Variants in CHL1 observed in about 807,000 individuals in gnomAD.
CHL1 encodes neural cell adhesion molecule L1-like protein.
In CHL1, 96 loss-of-function variants were observed where a neutral mutation model predicts 141.9. The ratio of observed to expected loss-of-function variants is 0.68; its 90% CI spans 0.57 to 0.80. The LOEUF (loss-of-function observed/expected upper bound fraction) is 0.80, where lower values mean the gene tolerates loss of function less well. CHL1 is among the 30% of genes least tolerant of loss of function. The pLI is 0.00. For synonymous variants in CHL1, 613 were observed against 502.2 expected (o/e 1.22, Z -2.95); for missense variants, 1,820 against 1,457.2 (o/e 1.25, Z -4.05).
chr3:270,504 A>G (rs1695545315), intron 2 of CHL1, among the ~76,000 whole-genome samples: 1 of 152,160 alleles, frequency 6.6e-6, no homozygotes, highest in South Asian at 2.1e-4. Flanking sequence ...GTAGGCAGAA[A>G]GGGCAGGGGA....
intron 1 of CHL1, among the ~76,000 whole-genome samples, chr3:240,513 G>T (rs911229459): frequency 2.0e-5 from 3 of 152,138 alleles, no homozygotes; most frequent in African/African-American, 7.2e-5. Flanking sequence ...TTTGTTGGAT[G>T]TATAGATTGT....
At chr3:336,986 T>C (rs1340196937) in intron 5 of CHL1, among the ~76,000 whole-genome samples, 3 of 152,188 alleles carry the variant, frequency 2.0e-5, no homozygotes, top group Admixed American at 6.5e-5. Flanking sequence ...ATGTCACTTA[T>C]ACCCTTGGTG....
chr3:248,974 A>G lies in CHL1; in HGVS notation c.-95+4282A>G, dbSNP rs556839225. Among the ~76,000 whole-genome samples the G allele has an allele frequency of 2.6e-5, 4 of 152,346 alleles. No homozygotes were observed. The East Asian group carries it at 7.7e-4, about 29-fold the overall frequency. On this transcript the variant is annotated intron_variant, in intron 2 of 27. Transcript: ENST00000256509. Reference sequence around the variant, plus strand: ...AACAAATAACTCAGAGCAAAATCCAATGAAAGGAGAAAATTGTGTTTCCTC... The same window carrying G: ...AACAAATAACTCAGAGCAAAATCCAGTGAAAGGAGAAAATTGTGTTTCCTC...
Position 217,888 on chromosome 3 carries a change from T to A in CHL1, c.-175+20825T>A, listed in dbSNP as rs74536398. 3.3e-5 allele frequency among the ~76,000 whole-genome samples: 5 copies of A among 152,218 alleles called. No homozygotes were observed. The East Asian group carries it at 7.7e-4, about 23-fold the overall frequency. The stretch of plus-strand genomic sequence containing the variant: ...CTGTTGCATGCAGAGTAGATTGCAA[T>A]GGAGAGGAGGACCAGTTGGTATTCC... On this transcript the variant is annotated intron_variant, in intron 1 of 27. Transcript: ENST00000256509.
Position 237,888 on chromosome 3 carries a change from A to C in CHL1, c.-174-6725A>C, listed in dbSNP as rs1236829284. Among the ~76,000 whole-genome samples, 4 of 152,322 alleles carry C rather than the reference A, an allele frequency of 2.6e-5. No individual in the cohort carries two copies. In the East Asian group the frequency reaches 7.7e-4, roughly 29 times the overall value. ...AAACTCGTGATCAGAAATAGGGGCT[A>C]TTTCTATTTAGAATGCTCTTTCAGA... On this transcript the variant is annotated intron_variant, in intron 1 of 27. Transcript: ENST00000256509.
At chr3:352,321 T>C (rs1404552698) in intron 10 of CHL1, among the ~76,000 whole-genome samples, 1 of 152,180 alleles carries the variant, frequency 6.6e-6, no homozygotes, top group African/African-American at 2.4e-5. Context: ...TTACTAAAAA[T>C]AACCAGTGTT....
At chr3:336,045 G>C (rs1701836893) in intron 5 of CHL1, among the ~76,000 whole-genome samples, 1 of 152,124 alleles carries the variant, frequency 6.6e-6, no homozygotes, top group South Asian at 2.1e-4. Context: ...TCCCACTTAT[G>C]AATGACGACA....
chr3:271,887 G>T (rs1481604813), intron 2 of CHL1, among the ~76,000 whole-genome samples: 1 of 152,178 alleles, frequency 6.6e-6, no homozygotes, highest in South Asian at 2.1e-4. Flanking sequence ...CATCTTTCAT[G>T]TTAAGTGGAG....
chr3:240,000 G>C (rs1692399743), intron 1 of CHL1, among the ~76,000 whole-genome samples: 1 of 152,124 alleles, frequency 6.6e-6, no homozygotes, highest in Admixed American at 6.6e-5. Flanking sequence ...TTGATTGATG[G>C]ACATTTGGGC....
chr3:377,349 GA>G (rs1360187681), intron 15 of CHL1, among the ~76,000 whole-genome samples: 1 of 152,158 alleles, frequency 6.6e-6, no homozygotes, highest in Non-Finnish European at 1.5e-5. Context: ...AGAAACTTGT[GA>G]AAAACTGAGA....
At chr3:219,869 G>GA (rs200159258) in intron 1 of CHL1, among the ~76,000 whole-genome samples, 1 of 152,060 alleles carries the variant, frequency 6.6e-6, no homozygotes, top group South Asian at 2.1e-4. Context: ...ACACATTTCA[G>GA]AAAAAAACTC....
intron 2 of CHL1, among the ~76,000 whole-genome samples, chr3:254,569 G>C (rs975505811): frequency 5.9e-5 from 9 of 152,174 alleles, no homozygotes; most frequent in African/African-American, 1.9e-4. Context: ...GGCCTTATAA[G>C]CCACGTATCT....
chr3:225,633 C>T (rs1405485723), intron 1 of CHL1, among the ~76,000 whole-genome samples: 8 of 152,142 alleles, frequency 5.3e-5, no homozygotes, highest in South Asian at 2.1e-4. Context: ...TATAGTCACA[C>T]ACACACACAA....
chr3:380,438 C>T (rs1392226318), intron 16 of CHL1, among the ~76,000 whole-genome samples: 3 of 152,104 alleles, frequency 2.0e-5, no homozygotes, highest in African/African-American at 7.2e-5. Flanking sequence ...GATAAAAGTC[C>T]TCCAATGCTT....
chr3:322,664 AT>A (rs1559252936), intron 3 of CHL1, among the ~76,000 whole-genome samples: 11 of 128,544 alleles, frequency 8.6e-5, no homozygotes, highest in Admixed American at 1.6e-4. Context: ...ATATATATAT[AT>A]ATATAATTAT....
intron 27 of CHL1, among the ~76,000 whole-genome samples, chr3:404,927 G>A (rs1224725080): frequency 2.6e-5 from 4 of 152,166 alleles, no homozygotes; most frequent in African/African-American, 9.7e-5. Flanking sequence ...CAAAGTGCCA[G>A]CATTTTCAAT....
At chr3:239,538 T>C (rs1692344320) in intron 1 of CHL1, among the ~76,000 whole-genome samples, 1 of 151,624 alleles carries the variant, frequency 6.6e-6, no homozygotes, top group South Asian at 2.1e-4. Flanking sequence ...CTACTATTAA[T>C]TGATATGTGT....
At chr3:334,646 A>G (rs887707269) in intron 5 of CHL1, among the ~76,000 whole-genome samples, 2 of 152,186 alleles carry the variant, frequency 1.3e-5, no homozygotes, top group African/African-American at 4.8e-5. Flanking sequence ...ATTTCACTGC[A>G]TGGATATCAT....
chr3:310,804 C>T (rs763544365), intron 2 of CHL1, among the ~76,000 whole-genome samples: 3 of 152,134 alleles, frequency 2.0e-5, no homozygotes, highest in Non-Finnish European at 4.4e-5. Context: ...CGGGTTTTGA[C>T]AAAGGTATAG....
Sources: allele counts gnomAD v4.1 joint callset (sites outside exome capture counted in the v4.1 genomes callset), GRCh38; gene constraint gnomAD v4.1.1; transcripts MANE v1.5; gene names NCBI Gene and HGNC (gene_info 2026-07-23, HGNC 2026-07-21).